TSNARE1: variants seen among roughly 807,000 people sequenced by gnomAD.
TSNARE1 encodes the protein t-SNARE domain containing 1.
In TSNARE1, 49 loss-of-function variants were observed where a neutral mutation model predicts 62.0. The ratio of observed to expected loss-of-function variants is 0.79; its 90% CI spans 0.63 to 1.00. TSNARE1 has a LOEUF of 1.00. TSNARE1 is among the 50% of genes least tolerant of loss of function. The pLI, the probability that TSNARE1 is intolerant of heterozygous loss-of-function variation, is 0.00. For missense variants in TSNARE1, 755 were observed against 700.1 expected (o/e 1.08, Z -0.88); for synonymous variants, 328 against 294.4 (o/e 1.11, Z -1.17).
chr8:142,358,757 A>T (rs924564874), intron 1 of TSNARE1, among the ~76,000 whole-genome samples: 1 of 151,946 alleles, frequency 6.6e-6, no homozygotes, highest in African/African-American at 2.4e-5. Context: ...GCCCCTGGGG[A>T]CACCTGGAAT....
At chr8:142,314,530 G>T in intron 8 of TSNARE1, 90 bp from the exon 9 acceptor site, 1 of 1,168,742 alleles carries the variant, frequency 8.6e-7, no homozygotes, top group Non-Finnish European at 1.2e-6. Flanking sequence ...CAGGGCTCTG[G>T]ACGACGGTGC....
chr8:142,280,040 GGCA>G, intron 11 of TSNARE1: 1 of 1,232,628 alleles, frequency 8.1e-7, no homozygotes, highest in South Asian at 1.4e-5. Flanking sequence ...AGGTCGCGGC[GGCA>G]GTAGCCCAGC....
At chr8:142,329,660 C>A (rs1256986108) in intron 6 of TSNARE1, among the ~76,000 whole-genome samples, 1 of 152,230 alleles carries the variant, frequency 6.6e-6, no homozygotes, top group Admixed American at 6.5e-5. Flanking sequence ...GTGTGACCAG[C>A]AGGTCCACAG....
intron 11 of TSNARE1, chr8:142,280,431 C>T: frequency 3.0e-6 from 2 of 662,338 alleles, no homozygotes; most frequent in Non-Finnish European, 3.7e-6. Context: ...AGCGGCCAGG[C>T]CTCGCATCGG....
At chr8:142,289,561 GAA>G (rs1442688470) in intron 10 of TSNARE1, among the ~76,000 whole-genome samples, 1 of 152,130 alleles carries the variant, frequency 6.6e-6, no homozygotes, top group East Asian at 1.9e-4. Context: ...TGCAGGCTAC[GAA>G]CACACCACTG....
chr8:142,226,363 C>T (rs554952061), intron 13 of TSNARE1, among the ~76,000 whole-genome samples: 1 of 152,262 alleles, frequency 6.6e-6, no homozygotes, highest in East Asian at 1.9e-4. Context: ...TGGCAGCAGG[C>T]GGGGGTCCTC....
chr8:142,222,873 C>A (rs1281601054), intron 13 of TSNARE1, among the ~76,000 whole-genome samples: 2 of 148,100 alleles, frequency 1.4e-5, no homozygotes, highest in East Asian at 4.0e-4. Context: ...CTCACTCATT[C>A]ACTTACTCAT....
intron 1 of TSNARE1, among the ~76,000 whole-genome samples, chr8:142,389,575 C>T (rs922186641): frequency 6.6e-6 from 1 of 152,154 alleles, no homozygotes; most frequent in Non-Finnish European, 1.5e-5. Flanking sequence ...AAATGTCCAG[C>T]CCCAAAGGCC....
chr8:142,247,601 T>C (rs1490714493), intron 12 of TSNARE1: 1 of 152,216 alleles, frequency 6.6e-6, no homozygotes, highest in Non-Finnish European at 1.5e-5. Flanking sequence ...GGGATCTCAC[T>C]GTGTTGCCCA....
At chr8:142,349,051 C>T (rs1329029170) in intron 2 of TSNARE1, among the ~76,000 whole-genome samples, 1 of 152,184 alleles carries the variant, frequency 6.6e-6, no homozygotes, top group Non-Finnish European at 1.5e-5. Flanking sequence ...TCGAAGGCCC[C>T]GCCCACACAG....
intron 4 of TSNARE1, among the ~76,000 whole-genome samples, chr8:142,340,212 T>TA (rs1335535401): frequency 6.6e-6 from 1 of 152,150 alleles, no homozygotes; most frequent in Non-Finnish European, 1.5e-5. Flanking sequence ...CGGGGCCACA[T>TA]AAGAGAAGTG....
At chr8:142,305,966 G>A (rs1826600994) in intron 9 of TSNARE1, among the ~76,000 whole-genome samples, 1 of 152,190 alleles carries the variant, frequency 6.6e-6, no homozygotes, top group Non-Finnish European at 1.5e-5. Context: ...CCCGAGGCCG[G>A]CGCTCAGGGC....
chr8:142,307,875 C>T (rs747612592), intron 9 of TSNARE1, among the ~76,000 whole-genome samples: 18 of 152,230 alleles, frequency 1.2e-4, no homozygotes, highest in Non-Finnish European at 2.1e-4. Context: ...ACGCAGCCCA[C>T]GCCCGGCTTT....
chr8:142,339,887 C>T (rs1484112435), intron 4 of TSNARE1, among the ~76,000 whole-genome samples: 3 of 152,262 alleles, frequency 2.0e-5, no homozygotes, highest in African/African-American at 2.4e-5. Context: ...ACAGCTGCGC[C>T]GGGGGTGTCT....
At chr8:142,289,068 G>C (rs1823317349) in intron 10 of TSNARE1, among the ~76,000 whole-genome samples, 2 of 152,216 alleles carry the variant, frequency 1.3e-5, no homozygotes, top group South Asian at 4.1e-4. Context: ...TAAGACGCCT[G>C]GCACTCAAAC....
intron 12 of TSNARE1, among the ~76,000 whole-genome samples, chr8:142,242,310 A>ACGATCTCCAT (rs1817703112): frequency 6.6e-6 from 1 of 152,252 alleles, no homozygotes; most frequent in Non-Finnish European, 1.5e-5. Flanking sequence ...CTGTAAAACT[A>ACGATCTCCAT]CTAGAAGAAA....
intron 11 of TSNARE1, among the ~76,000 whole-genome samples, chr8:142,281,998 C>T (rs1821565020): frequency 6.6e-6 from 1 of 152,200 alleles, no homozygotes; most frequent in Non-Finnish European, 1.5e-5. Context: ...ACTTCCTGCC[C>T]CCACATACAG....
At chr8:142,265,647 G>C (rs1434352292) in intron 12 of TSNARE1, among the ~76,000 whole-genome samples, 1 of 152,222 alleles carries the variant, frequency 6.6e-6, no homozygotes, top group Admixed American at 6.5e-5. Flanking sequence ...TAAGTGTTAT[G>C]TTTACATGTT....
At chr8:142,277,166 C>T in intron 11 of TSNARE1, 14 of 985,328 alleles carry the variant, frequency 1.4e-5, no homozygotes, top group Non-Finnish European at 1.6e-5. Context: ...AGCCACAGGC[C>T]CTGGGCACCT....
Sources: allele counts gnomAD v4.1 joint callset (sites outside exome capture counted in the v4.1 genomes callset), GRCh38; gene constraint gnomAD v4.1.1; transcripts MANE v1.5; gene names NCBI Gene and HGNC (gene_info 2026-07-23, HGNC 2026-07-21).